Variants in ITGAV observed in about 807,000 individuals in gnomAD.
ITGAV encodes integrin subunit alpha V.
A neutral mutation model predicts 143.8 loss-of-function variants in ITGAV; 76 were observed. The observed-to-expected ratio is 0.53, with a 90% CI of 0.44 to 0.64. ITGAV has a LOEUF of 0.64. Ranked by LOEUF, ITGAV falls within the 30% of genes least tolerant of loss-of-function variation. The pLI, the probability that ITGAV is intolerant of heterozygous loss-of-function variation, is 0.00. For missense variants in ITGAV, 1,193 were observed against 1,274.7 expected (o/e 0.94, Z 0.98); for synonymous variants, 453 against 446.7 (o/e 1.01, Z -0.18).
At chr2:186,607,162 G>A (rs1429760314) in intron 2 of ITGAV, among the ~76,000 whole-genome samples, 1 of 152,060 alleles carries the variant, frequency 6.6e-6, no homozygotes, top group Non-Finnish European at 1.5e-5. Context: ...ATCACGAAGA[G>A]TATAAATTGG....
intron 20 of ITGAV, 26 bp from the exon 21 acceptor site, chr2:186,665,100 T>C (rs753396710): frequency 3.7e-6 from 4 of 1,085,364 alleles, no homozygotes; most frequent in South Asian, 1.7e-5. Context: ...ATATCCATTT[T>C]TTTTTTTTTT....
At position 186,679,790 on chromosome 2, in the gene ITGAV, C is replaced by T. The variant is rs1689305014; in HGVS notation, c.*2498C>T. 6.6e-6 allele frequency: 1 copy of T among 151,850 alleles called. No individual in the cohort carries two copies. The highest frequency in any genetic ancestry group is 6.6e-5 in the Admixed American group (1 of 15,242). 9.4% of individuals were successfully genotyped at this position (151,850 alleles called of 1,614,324 possible). On this transcript the variant is annotated 3_prime_UTR_variant, in exon 30 of 30. Coordinates refer to ENST00000261023, the MANE Select transcript of ITGAV (RefSeq NM_002210.5). ...GAGTCATTTTTTCTGTTTCTCTTTT[C>T]TCTTAACGATTATCACTGTAATTCT...
rs375790223 is a variant in ITGAV at position 186,641,502 on chromosome 2, C to T, written c.1073C>T (p.Thr358Met). The T allele has an allele frequency of 1.5e-5, 25 of 1,614,054 alleles. No homozygotes were observed. The highest frequency in any genetic ancestry group is 5.3e-5 in the African/African-American group (4 of 74,912). ...CAGAGAGCTTCAGGAGACTTCCAGACGACAAAGCTGAATGGATTTGAGGTC... is the reference window on the plus strand; with the variant it reads ...CAGAGAGCTTCAGGAGACTTCCAGATGACAAAGCTGAATGGATTTGAGGTC... ...SLQRASGDFQ[T>M]TKLNGFEVFA... The change falls in exon 12 of 30, where the codon ACG becomes ATG. Residue 358 changes from threonine to methionine, a missense_variant. Physicochemically the swap from Thr to Met is moderately conservative, Grantham distance 81. Transcript: ENST00000261023.
At chr2:186,616,348 G>T (rs543084024) in intron 2 of ITGAV, among the ~76,000 whole-genome samples, 1 of 145,408 alleles carries the variant, frequency 6.9e-6, no homozygotes, top group African/African-American at 2.6e-5. Flanking sequence ...GCACGATCTC[G>T]GCTCACTGCA....
At position 186,680,047 on chromosome 2, in the gene ITGAV, A is replaced by G. The variant is rs1689311609; in HGVS notation, c.*2755A>G. The G allele has an allele frequency of 6.6e-6, 1 of 152,110 alleles. No homozygotes were observed. The highest frequency in any genetic ancestry group is 2.1e-4 in the South Asian group (1 of 4,838). 9.4% of individuals were successfully genotyped at this position (152,110 alleles called of 1,614,324 possible). A position where few individuals can be genotyped will look rare whatever the true frequency, so the allele number is the denominator to read the frequency against. Reference sequence around the variant, plus strand: ...ATAAAAGTATTGTATATAATAGATCAGCGATTTTTGTAAGGCAAACAGAAT... The same window carrying G: ...ATAAAAGTATTGTATATAATAGATCGGCGATTTTTGTAAGGCAAACAGAAT... On this transcript the variant is annotated 3_prime_UTR_variant, in exon 30 of 30. Transcript: ENST00000261023.
intron 24 of ITGAV, chr2:186,667,982 A>G: frequency 3.4e-6 from 1 of 295,724 alleles, no homozygotes; most frequent in Non-Finnish European, 6.2e-6. Context: ...AAAGCAGTTT[A>G]TATAATTTGT....
intron 2 of ITGAV, among the ~76,000 whole-genome samples, chr2:186,609,613 A>G (rs1687160092): frequency 6.6e-6 from 1 of 152,178 alleles, no homozygotes; most frequent in African/African-American, 2.4e-5. Flanking sequence ...GAAAGTATCT[A>G]ACTTTGCCTG....
rs2595393 is a variant in ITGAV, at chr2:186,664,925, T to A, written c.2074-201T>A. Among the ~76,000 whole-genome samples the A allele has an allele frequency of 1, 151,600 of 152,320 alleles. 75,444 individuals carry two copies. The highest frequency in any genetic ancestry group is 1 in the Middle Eastern group (294 of 294). The stretch of plus-strand genomic sequence containing the variant: ...ATTATTTGTCAGAGGCTGTATGGTT[T>A]TGTATGGTAGTCCTCTAGGGATCTT... On this transcript the variant is annotated intron_variant, in intron 20 of 29. Transcript: ENST00000261023.
rs200456774 is a variant in ITGAV, at chr2:186,677,851, A to G, written c.*559A>G. The G allele has an allele frequency of 6.6e-6, 1 of 152,532 alleles. No homozygotes were observed. The highest frequency in any genetic ancestry group is 1.5e-5 in the Non-Finnish European group (1 of 68,010). 9.4% of individuals were successfully genotyped at this position (152,532 alleles called of 1,614,324 possible). ...ATAAACACATACATGATACCATCCA[A>G]ATTCTTGCTTTTAATAACAAAGGTA... On this transcript the variant is annotated 3_prime_UTR_variant, in exon 30 of 30. Transcript: ENST00000261023.
At position 186,647,628 on chromosome 2, in the gene ITGAV, A is replaced by T. The variant is rs186405441; in HGVS notation, c.1351+751A>T. ...AAGCTCATTTTTATAGCTCATTATT[A>T]TACCATTTCTGAATGTAAAAAGAGA... On this transcript the variant is annotated intron_variant, in intron 13 of 29. Transcript: ENST00000261023. Among the ~76,000 whole-genome samples, 1,490 of 152,292 alleles carry T rather than the reference A, an allele frequency of 9.8e-3. 22 individuals carry two copies. The highest frequency in any genetic ancestry group is 0.034 in the African/African-American group (1,417 of 41,552).
chr2:186,679,667 TA>T lies in ITGAV; in HGVS notation c.*2376del, dbSNP rs1350269388. Reference sequence around the variant, plus strand: ...AAGAAAACATGAATGAACTAGAAGATATTAAAAACATTTGACATTGGTAAGA... The same window carrying T: ...AAGAAAACATGAATGAACTAGAAGATTTAAAAACATTTGACATTGGTAAGA... On this transcript the variant is annotated 3_prime_UTR_variant, in exon 30 of 30. Transcript: ENST00000261023. 1 of 151,998 alleles carries T rather than the reference TA, an allele frequency of 6.6e-6. No individual in the cohort carries two copies. The highest frequency in any genetic ancestry group is 1.5e-5 in the Non-Finnish European group (1 of 67,882). The allele number at this position is 151,998 out of a possible 1,614,324, so 9.4% of individuals were successfully genotyped here.
chr2:186,625,708 ATAT>A (rs1687659837), intron 4 of ITGAV, 121 bp downstream of exon 4: 3 of 494,912 alleles, frequency 6.1e-6, no homozygotes, highest in Admixed American at 3.7e-5. Context: ...AGATATAGAC[ATAT>A]TATGATGATA....
At chr2:186,618,425 A>G (rs16828108) in intron 2 of ITGAV, among the ~76,000 whole-genome samples, 1,757 of 152,338 alleles carry the variant, frequency 0.012, 43 homozygotes, top group East Asian at 0.051. Context: ...CTGATTTTGC[A>G]TGAATTTTCT....
intron 2 of ITGAV, among the ~76,000 whole-genome samples, chr2:186,603,370 A>G (rs985951868): frequency 2.0e-5 from 3 of 152,288 alleles, no homozygotes; most frequent in East Asian, 1.9e-4. Context: ...GGACTGTTCC[A>G]TTTGACATTG....
chr2:186,621,211 A>G (rs889512884), intron 2 of ITGAV, among the ~76,000 whole-genome samples: 2 of 152,188 alleles, frequency 1.3e-5, no homozygotes, highest in Non-Finnish European at 2.9e-5. Context: ...ATTATTGTGA[A>G]AATTTTCAAA....
chr2:186,656,255 G>A lies in ITGAV; in HGVS notation c.1573G>A (p.Val525Met), dbSNP rs368980939. 5.7e-6 allele frequency: 9 copies of A among 1,580,618 alleles called. No individual in the cohort carries two copies. The highest frequency in any genetic ancestry group is 4.1e-5 in the African/African-American group (3 of 72,464). ...GVLPRKLNFQ[V>M]ELLLDKLKQK... ...TCCTTTGGTTTACATAGATTTCCAG[G>A]TGGAACTTCTTTTGGATAAACTCAA... The change falls in exon 17 of 30, where the codon GTG (valine) becomes ATG (methionine). Residue 525 changes from valine to methionine, a missense_variant. Physicochemically the swap from Val to Met is conservative, Grantham distance 21. Coordinates refer to ENST00000261023, the MANE Select transcript of ITGAV (RefSeq NM_002210.5).
chr2:186,597,216 TTC>T (rs1686770949), intron 1 of ITGAV, among the ~76,000 whole-genome samples: 1 of 152,204 alleles, frequency 6.6e-6, no homozygotes, highest in Admixed American at 6.5e-5. Context: ...TGGGCTCTTT[TTC>T]TCTGTCTTTG....
intron 1 of ITGAV, among the ~76,000 whole-genome samples, chr2:186,596,740 T>G (rs1447315482): frequency 6.6e-6 from 1 of 152,150 alleles, no homozygotes; most frequent in Non-Finnish European, 1.5e-5. Flanking sequence ...ATAGCATCTT[T>G]TATCACCTTG....
chr2:186,593,564 G>A (rs1390406273), intron 1 of ITGAV, among the ~76,000 whole-genome samples: 2 of 151,768 alleles, frequency 1.3e-5, no homozygotes, highest in Non-Finnish European at 2.9e-5. Flanking sequence ...TTCTTGTGGA[G>A]ACTAATTGGA....
Sources: gnomAD v4.1 joint callset for allele counts (sites outside exome capture counted in the v4.1 genomes callset) on GRCh38, gnomAD v4.1.1 for gene constraint, MANE v1.5 for transcripts, NCBI Gene and HGNC (gene_info 2026-07-23, HGNC 2026-07-21) for gene names.